Variants in ICE1 observed in about 807,000 individuals in gnomAD.
The protein encoded by ICE1 is interactor of little elongation complex ELL subunit 1.
ICE1 carries 64 observed loss-of-function variants against 192.7 expected under a neutral mutation model. The ratio of observed to expected loss-of-function variants is 0.33; its 90% CI spans 0.27 to 0.41. ICE1 has a LOEUF of 0.41. Ranked by LOEUF, ICE1 falls within the 10% of genes least tolerant of loss-of-function variation. The pLI is 1.00. For synonymous variants in ICE1, 1,010 were observed against 984.5 expected, an observed-to-expected ratio of 1.03 and a Z score of -0.49; for missense variants, 2,708 against 2,696.0, an observed-to-expected ratio of 1.00 and a Z score of -0.10.
chr5:5,474,301 A>T (rs1739251905), intron 16 of ICE1, among the ~76,000 whole-genome samples: 1 of 151,908 alleles, frequency 6.6e-6, no homozygotes, highest in Admixed American at 6.6e-5. Context: ...GTTTTTGTTC[A>T]ATTCTGCTAT....
At chr5:5,473,386 G>A (rs967939577) in intron 15 of ICE1, among the ~76,000 whole-genome samples, 172 bp from the exon 16 acceptor site, 3 of 152,166 alleles carry the variant, frequency 2.0e-5, no homozygotes, top group Non-Finnish European at 4.4e-5. Context: ...CTACCATTGT[G>A]TAATCATTCT....
intron 10 of ICE1, among the ~76,000 whole-genome samples, chr5:5,451,897 G>A (rs1738429675): frequency 6.6e-6 from 1 of 152,022 alleles, no homozygotes; most frequent in African/African-American, 2.4e-5. Flanking sequence ...CTCTTGTGTT[G>A]TTAATATAGC....
At chr5:5,487,359 G>A (rs574776878) in intron 18 of ICE1, among the ~76,000 whole-genome samples, 2 of 152,278 alleles carry the variant, frequency 1.3e-5, no homozygotes, top group African/African-American at 4.8e-5. Flanking sequence ...TTAACTCAAA[G>A]TAACTCTTAT....
intron 14 of ICE1, among the ~76,000 whole-genome samples, chr5:5,468,283 G>A (rs964167493): frequency 7.2e-5 from 11 of 152,306 alleles, no homozygotes; most frequent in Admixed American, 5.2e-4. Context: ...GAGAGCGAGA[G>A]AAGTTTTGAA....
chr5:5,460,839 A>G lies in ICE1; in HGVS notation c.1505A>G (p.His502Arg). The G allele has an allele frequency of 6.2e-7, 1 of 1,614,076 alleles. No individual in the cohort carries two copies. Among genetic ancestry groups the G allele is most frequent in the Non-Finnish European group, 8.5e-7 (1 of 1,179,906 alleles). ...DKSVQTEKTI[H>R]KLTRGLCIER... Reference sequence around the variant, plus strand: ...TCAGTACAAACTGAGAAGACCATTCATAAACTCACTCGAGGTCTATGCATT... The same window carrying G: ...TCAGTACAAACTGAGAAGACCATTCGTAAACTCACTCGAGGTCTATGCATT... Residue 502 changes from histidine to arginine, a missense_variant, in exon 13 of 19, where the codon CAT becomes CGT. Physicochemically the swap from His to Arg is conservative, Grantham distance 29 (BLOSUM62 0). Transcript: ENST00000296564.
chr5:5,453,810 GCTGT>G (rs1738498235), intron 10 of ICE1, among the ~76,000 whole-genome samples: 1 of 152,006 alleles, frequency 6.6e-6, no homozygotes, highest in Non-Finnish European at 1.5e-5. Flanking sequence ...TTTCATTAGG[GCTGT>G]CTTAGTTACA....
At position 5,463,598 on chromosome 5, in the gene ICE1, G is replaced by A. The variant is rs1358542171; in HGVS notation, c.4264G>A (p.Asp1422Asn). ...KDQNLVIEKG[D>N]NWTIISGVAV... ...TCAGAATCTAGTCATTGAAAAGGGG[G>A]ACAACTGGACAATCATCAGTGGTGT... Residue 1422 changes from aspartate to asparagine, a missense_variant, in exon 13 of 19, where the codon GAC (aspartate) becomes AAC (asparagine). By Grantham distance (23) the Asp-to-Asn change is conservative. Transcript: ENST00000296564. 3 of 1,613,982 alleles carry A rather than the reference G, an allele frequency of 1.9e-6. No homozygotes were observed. Among genetic ancestry groups the A allele is most frequent in the East Asian group, 4.5e-5 (2 of 44,880 alleles).
At chr5:5,467,645 T>G (rs1739026563) in intron 14 of ICE1, among the ~76,000 whole-genome samples, 1 of 152,234 alleles carries the variant, frequency 6.6e-6, no homozygotes, top group South Asian at 2.1e-4. Context: ...AAGGAGAGAA[T>G]TTATTTGTCT....
intron 5 of ICE1, among the ~76,000 whole-genome samples, chr5:5,442,744 G>A (rs1002942309): frequency 6.6e-6 from 1 of 152,138 alleles, no homozygotes; most frequent in Admixed American, 6.6e-5. Flanking sequence ...AGCTGCTAGG[G>A]TGTATATATC....
rs760398471 is a variant in ICE1, at chr5:5,460,951, A to G, written c.1617A>G (p.Pro539=). The change falls in exon 13 of 19, where the codon CCA becomes CCG. Residue 539 remains proline (P), a synonymous_variant. Transcript: ENST00000296564. ...GTTCTTCTCCCCTTGGCAAAAGGCC[A>G]TTAAATGAACTCATGGAATCTGAAG... is the stretch of plus-strand genomic sequence containing the variant. ...ELCSSPLGKR[P]LNELMESEGK... 6 of 1,613,924 alleles carry G rather than the reference A, an allele frequency of 3.7e-6. No homozygotes were observed. Among genetic ancestry groups the G allele is most frequent in the South Asian group, 2.2e-5 (2 of 91,086 alleles).
In ICE1 at chr5:5,465,126, C is replaced by T; in HGVS notation, c.5792C>T (p.Pro1931Leu). 8.1e-6 allele frequency: 13 copies of T among 1,612,030 alleles called. No homozygotes were observed. Among genetic ancestry groups the T allele is most frequent in the Non-Finnish European group, 1.1e-5 (13 of 1,178,940 alleles). ...GCAGAGTTTTCTTTTGATCTGTTAC[C>T]TGTCATTCGTAGTCATGTGTATGTG... is the stretch of plus-strand genomic sequence containing the variant. ...KIAEFSFDLL[P>L]VIRSHVYVGN... The change falls in exon 13 of 19, where the codon CCT becomes CTT. Residue 1931 changes from proline (P) to leucine (L), a missense_variant. This residue lies in a region of ICE1 where 342 missense variants were observed against 419.3 expected (regional missense o/e 0.82). Coordinates refer to ENST00000296564, the MANE Select transcript of ICE1 (RefSeq NM_015325.3).
intron 10 of ICE1, 91 bp downstream of exon 10, chr5:5,447,988 T>G (rs1738291248): frequency 1.0e-6 from 1 of 956,720 alleles, no homozygotes; most frequent in Non-Finnish European, 1.6e-6. Flanking sequence ...ATTGTGAAAG[T>G]GCCAGGGCTT....
intron 17 of ICE1, among the ~76,000 whole-genome samples, chr5:5,482,464 G>T (rs999770880): frequency 6.6e-6 from 1 of 152,186 alleles, no homozygotes; most frequent in Admixed American, 6.5e-5. Flanking sequence ...AAGTCAGGAA[G>T]AATAAGCCCT....
In ICE1 at chr5:5,483,020, C is replaced by T. The variant is rs553137968; in HGVS notation, c.6521-3701C>T. Reference sequence around the variant, plus strand: ...TTTTGTTTTTTTTGAGACGGAGTTTCGCTCTTGTTGCCCAAGCTGGAGTGC... The same window carrying T: ...TTTTGTTTTTTTTGAGACGGAGTTTTGCTCTTGTTGCCCAAGCTGGAGTGC... On this transcript the variant is annotated intron_variant, in intron 17 of 18. Coordinates refer to ENST00000296564, the MANE Select transcript of ICE1 (RefSeq NM_015325.3). 4.7e-3 allele frequency among the ~76,000 whole-genome samples: 708 copies of T among 151,964 alleles called. 5 individuals carry two copies. Among genetic ancestry groups the T allele is most frequent in the African/African-American group, 0.016 (675 of 41,424 alleles).
At position 5,461,439 on chromosome 5, in the gene ICE1, G is replaced by T. The variant is rs193269794; in HGVS notation, c.2105G>T (p.Ser702Ile). 2.1e-4 allele frequency: 338 copies of T among 1,614,020 alleles called. No homozygotes were observed. The African/African-American group carries it at 4.1e-3, about 20-fold the overall frequency. Residue 702 changes from serine to isoleucine, a missense_variant, in exon 13 of 19, where the codon AGC becomes ATC. This residue lies in a region of ICE1 where 2,366 missense variants were observed against 2,276.6 expected (regional missense o/e 1.04). Transcript: ENST00000296564. Reference protein sequence around the residue: ...CSIGGNNLENSLCALSPELGA... With the variant: ...CSIGGNNLENILCALSPELGA... Reference sequence around the variant, plus strand: ...ATAGGAGGAAACAACTTGGAGAATAGCTTGTGTGCCTTGAGCCCTGAATTG... The same window carrying T: ...ATAGGAGGAAACAACTTGGAGAATATCTTGTGTGCCTTGAGCCCTGAATTG...
chr5:5,478,809 A>G (rs1739414964), intron 17 of ICE1, among the ~76,000 whole-genome samples: 1 of 152,106 alleles, frequency 6.6e-6, no homozygotes, highest in African/African-American at 2.4e-5. Flanking sequence ...AGCCATCATC[A>G]TGATCTTTGA....
At chr5:5,438,385 G>A (rs955577829) in intron 3 of ICE1, among the ~76,000 whole-genome samples, 4 of 152,146 alleles carry the variant, frequency 2.6e-5, no homozygotes, top group African/African-American at 9.7e-5. Context: ...TGTGAAAATC[G>A]TAAAATTAAG....
At chr5:5,444,445 T>C in intron 7 of ICE1, 119 bp downstream of exon 7, 1 of 679,798 alleles carries the variant, frequency 1.5e-6, no homozygotes, top group Non-Finnish European at 2.6e-6. Flanking sequence ...GGTACATCCA[T>C]GGATGACTGC....
rs1490968246 is a variant in ICE1 at position 5,422,821 on chromosome 5, C to A, written c.-95C>A. 4.3e-6 allele frequency: 4 copies of A among 925,894 alleles called. No homozygotes were observed. Among genetic ancestry groups the A allele is most frequent in the Admixed American group, 4.4e-5 (1 of 22,546 alleles). The allele number at this position is 925,894 out of a possible 1,614,324, so 57.4% of individuals were successfully genotyped here. A position where few individuals can be genotyped will look rare whatever the true frequency, so the allele number is the denominator to read the frequency against. On this transcript the variant is annotated 5_prime_UTR_variant, in exon 1 of 19. Transcript: ENST00000296564. ...CCGGACCTGGCGGGAAGCGGCCTGG[C>A]AGGCGGCGGCCCCGGCGGCATCAGC...
Sources: gnomAD v4.1 joint callset for allele counts (sites outside exome capture counted in the v4.1 genomes callset) on GRCh38, gnomAD v4.1.1 for gene constraint, gnomAD v4.1.1 regional missense constraint, MANE v1.5 for transcripts, NCBI Gene and HGNC (gene_info 2026-07-23, HGNC 2026-07-21) for gene names.